The following ROR1 variants were observed in gnomAD, a reference collection of about 807,000 sequenced individuals.
ROR1 encodes ROR family WNT receptor 1, also known as inactive tyrosine-protein kinase transmembrane receptor ROR1.
ROR1 carries 19 observed loss-of-function variants against 78.8 expected under a neutral mutation model. That is an observed-to-expected ratio of 0.24 (90% CI 0.17 to 0.35). The LOEUF (loss-of-function observed/expected upper bound fraction) is 0.35, where lower values mean the gene tolerates loss of function less well. Ranked by LOEUF, ROR1 falls within the 10% of genes least tolerant of loss-of-function variation. The probability of loss-of-function intolerance (pLI) is 1.00; values close to 1 mark genes in which losing one functional copy is unlikely to be tolerated. For synonymous variants in ROR1, 386 were observed against 433.6 expected, an observed-to-expected ratio of 0.89 and a Z score of 1.36; for missense variants, 917 against 1,177.8, an observed-to-expected ratio of 0.78 and a Z score of 3.24.
At chr1:64,091,420 A>G (rs1276108788) in intron 4 of ROR1, among the ~76,000 whole-genome samples, 4 of 152,236 alleles carry the variant, frequency 2.6e-5, no homozygotes, top group Non-Finnish European at 5.9e-5. Context: ...TTTTTAATTT[A>G]TCAAAGATTC....
intron 8 of ROR1, among the ~76,000 whole-genome samples, chr1:64,174,162 C>T (rs947065450): frequency 1.3e-5 from 2 of 152,066 alleles, no homozygotes; most frequent in African/African-American, 4.8e-5. Flanking sequence ...GTGGGAATTA[C>T]GTTCATACAT....
chr1:63,890,092 T>TAAGGGAATTTCATTTTAGGG (rs147676027), intron 1 of ROR1, among the ~76,000 whole-genome samples: 3,330 of 151,986 alleles, frequency 0.022, 72 homozygotes, highest in African/African-American at 0.049. Flanking sequence ...GTGACCTACT[T>TAAGGGAATTTCATTTTAGGG]AAGGGAATTT....
intron 4 of ROR1, among the ~76,000 whole-genome samples, chr1:64,117,229 T>C (rs1441998352): frequency 6.6e-6 from 1 of 152,128 alleles, no homozygotes; most frequent in Non-Finnish European, 1.5e-5. Context: ...ATCTGGCCAA[T>C]TAATCACCAA....
At chr1:63,894,697 C>T (rs1183015433) in intron 1 of ROR1, among the ~76,000 whole-genome samples, 1 of 152,170 alleles carries the variant, frequency 6.6e-6, no homozygotes, top group Non-Finnish European at 1.5e-5. Flanking sequence ...CTGCCTTATG[C>T]ATAATCCCTC....
chr1:63,906,892 A>C (rs1645533885), intron 1 of ROR1, among the ~76,000 whole-genome samples: 1 of 152,212 alleles, frequency 6.6e-6, no homozygotes, highest in Non-Finnish European at 1.5e-5. Flanking sequence ...TAAGTTTCCC[A>C]AATCCAAAGC....
At chr1:63,783,931 C>T (rs772606997) in intron 1 of ROR1, among the ~76,000 whole-genome samples, 13 of 152,118 alleles carry the variant, frequency 8.5e-5, no homozygotes, top group Non-Finnish European at 1.3e-4. Context: ...AAGTAACCTG[C>T]CCAAGACCAC....
At chr1:64,130,848 G>A (rs1418388086) in intron 4 of ROR1, among the ~76,000 whole-genome samples, 1 of 152,172 alleles carries the variant, frequency 6.6e-6, no homozygotes, top group Non-Finnish European at 1.5e-5. Flanking sequence ...TACCTTGAGA[G>A]ATCTGTTTGC....
chr1:64,156,510 C>T (rs1649775387), intron 7 of ROR1, among the ~76,000 whole-genome samples: 1 of 151,984 alleles, frequency 6.6e-6, no homozygotes, highest in Non-Finnish European at 1.5e-5. Flanking sequence ...AGATCGAGAC[C>T]ATCCTGGCCA....
intron 2 of ROR1, among the ~76,000 whole-genome samples, chr1:64,012,932 A>T (rs1646489133): frequency 6.6e-6 from 1 of 152,174 alleles, no homozygotes; most frequent in Admixed American, 6.6e-5. Flanking sequence ...GATCTGGGAG[A>T]CAGATTTGAG....
At chr1:63,786,256 ATTTTTTTTT>A (rs34933492) in intron 1 of ROR1, among the ~76,000 whole-genome samples, 18 of 67,504 alleles carry the variant, frequency 2.7e-4, no homozygotes, top group South Asian at 1.1e-3. Context: ...CTACAACTTG[ATTTTTTTTT>A]TTTTTTTTTT....
chr1:64,103,805 G>T (rs1316132271), intron 4 of ROR1, among the ~76,000 whole-genome samples: 1 of 151,690 alleles, frequency 6.6e-6, no homozygotes, highest in Non-Finnish European at 1.5e-5. Flanking sequence ...AAAAAAAAAA[G>T]GTTTCTATCT....
chr1:63,799,291 C>A (rs1644781268), intron 1 of ROR1, among the ~76,000 whole-genome samples: 1 of 152,180 alleles, frequency 6.6e-6, no homozygotes, highest in African/African-American at 2.4e-5. Flanking sequence ...CAATGGCTCC[C>A]CATTGCCATG....
intron 4 of ROR1, among the ~76,000 whole-genome samples, chr1:64,085,689 C>A (rs907433720): frequency 6.6e-6 from 1 of 152,120 alleles, no homozygotes; most frequent in African/African-American, 2.4e-5. Context: ...GGAGGTGGCC[C>A]TTGCAAAGAC....
chr1:64,047,561 T>C (rs759515307), intron 2 of ROR1, among the ~76,000 whole-genome samples: 15 of 152,164 alleles, frequency 9.9e-5, no homozygotes, highest in Non-Finnish European at 1.6e-4. Context: ...ATAGTGGCAT[T>C]GTTATGTGAT....
chr1:63,783,427 T>C (rs1304380374), intron 1 of ROR1, among the ~76,000 whole-genome samples: 1 of 152,116 alleles, frequency 6.6e-6, no homozygotes, highest in Non-Finnish European at 1.5e-5. Context: ...AGAATAATAG[T>C]ATACTAATAA....
At chr1:64,150,150 C>T (rs554411088) in intron 7 of ROR1, among the ~76,000 whole-genome samples, 84 of 152,298 alleles carry the variant, frequency 5.5e-4, no homozygotes, top group South Asian at 4.4e-3. Flanking sequence ...GCCAGCATGT[C>T]TGTTTCTCCT....
At chr1:64,126,365 C>G (rs988316676) in intron 4 of ROR1, among the ~76,000 whole-genome samples, 1 of 152,060 alleles carries the variant, frequency 6.6e-6, no homozygotes, top group African/African-American at 2.4e-5. Context: ...TAGAGAGTCA[C>G]TGAACATTTG....
intron 4 of ROR1, among the ~76,000 whole-genome samples, chr1:64,124,829 G>A (rs534757989): frequency 6.6e-6 from 1 of 152,208 alleles, no homozygotes; most frequent in Admixed American, 6.5e-5. Context: ...TGAACACTAG[G>A]AGTTTCTGAC....
At chr1:64,126,432 G>T (rs1648717096) in intron 4 of ROR1, among the ~76,000 whole-genome samples, 1 of 152,098 alleles carries the variant, frequency 6.6e-6, no homozygotes, top group Admixed American at 6.6e-5. Context: ...CAACAGGAAA[G>T]ATCAATTTAC....
Sources: allele counts gnomAD v4.1 joint callset (sites outside exome capture counted in the v4.1 genomes callset), GRCh38; gene constraint gnomAD v4.1.1; transcripts MANE v1.5; gene names NCBI Gene and HGNC (gene_info 2026-07-23, HGNC 2026-07-21).